The following KIT variants were observed in gnomAD, a reference collection of about 807,000 sequenced individuals.
The protein encoded by KIT is mast/stem cell growth factor receptor Kit.
Under a neutral mutation model 105.7 loss-of-function variants are expected in KIT, and 16 were observed. That is an observed-to-expected ratio of 0.15 (90% confidence interval 0.10 to 0.23). The LOEUF (loss-of-function observed/expected upper bound fraction) is 0.23, where lower values mean the gene tolerates loss of function less well. Ranked by LOEUF, KIT falls within the 10% of genes least tolerant of loss-of-function variation. The probability of loss-of-function intolerance (pLI) is 1.00; values close to 1 mark genes in which losing one functional copy is unlikely to be tolerated. For missense variants in KIT, 858 were observed against 1,213.8 expected (o/e 0.71, Z 4.36); for synonymous variants, 438 against 441.1 (o/e 0.99, Z 0.09).
intron 5 of KIT, among the ~76,000 whole-genome samples, chr4:54,706,099 C>T (rs1384003987): frequency 2.0e-5 from 3 of 151,526 alleles, no homozygotes; most frequent in Admixed American, 2.0e-4. Flanking sequence ...TTCTATTTTG[C>T]CATTTTATAT....
chr4:54,731,707 T>C (rs1328616909), intron 15 of KIT, among the ~76,000 whole-genome samples, 164 bp from the exon 16 acceptor site: 1 of 152,184 alleles, frequency 6.6e-6, no homozygotes, highest in Non-Finnish European at 1.5e-5. Flanking sequence ...AAATATTAAC[T>C]TTGTGATTCA....
chr4:54,719,617 G>C (rs1721733148), intron 7 of KIT, among the ~76,000 whole-genome samples: 1 of 151,968 alleles, frequency 6.6e-6, no homozygotes, highest in African/African-American at 2.4e-5. Flanking sequence ...CACCTCTTAG[G>C]CTTATCTAAA....
intron 13 of KIT, among the ~76,000 whole-genome samples, chr4:54,729,050 T>G (rs190469557): frequency 1.3e-5 from 2 of 152,314 alleles, no homozygotes; most frequent in African/African-American, 4.8e-5. Flanking sequence ...GTAGAATCTT[T>G]GAAAGCAGTA....
chr4:54,693,388 TCCTA>T (rs1169977437), intron 1 of KIT, among the ~76,000 whole-genome samples: 1 of 152,170 alleles, frequency 6.6e-6, no homozygotes, highest in Non-Finnish European at 1.5e-5. Context: ...CATGACCCTT[TCCTA>T]CACCGTCTTG....
At chr4:54,706,070 A>G (rs1215468125) in intron 5 of KIT, among the ~76,000 whole-genome samples, 1 of 151,984 alleles carries the variant, frequency 6.6e-6, no homozygotes, top group African/African-American at 2.4e-5. Context: ...TAAGGACTCC[A>G]TTATTTATTT....
chr4:54,659,209 A>T (rs1435947082), intron 1 of KIT, among the ~76,000 whole-genome samples: 1 of 152,128 alleles, frequency 6.6e-6, no homozygotes, highest in Non-Finnish European at 1.5e-5. Flanking sequence ...CTCAGTTCTT[A>T]AAGCTATAAC....
Position 54,728,846 on chromosome 4 carries a change from G to A in KIT, c.1991-489G>A, listed in dbSNP as rs533357773. ...ACCAAAAAATTTTTCAACTAGTAGC[G>A]CTCAGAACACAGGTCATTTTAGGTT... On this transcript the variant is annotated intron_variant, in intron 13 of 20. Transcript: ENST00000288135. 5.9e-5 allele frequency among the ~76,000 whole-genome samples: 9 copies of A among 152,250 alleles called. No homozygotes were observed. The East Asian group carries it at 9.6e-4, about 16-fold the overall frequency.
intron 1 of KIT, among the ~76,000 whole-genome samples, chr4:54,694,596 T>C (rs1719928672): frequency 6.6e-6 from 1 of 152,044 alleles, no homozygotes; most frequent in South Asian, 2.1e-4. Context: ...CCCAGGCTGG[T>C]CTCGAACTCC....
intron 4 of KIT, among the ~76,000 whole-genome samples, chr4:54,702,524 A>AT (rs1343603869): frequency 6.6e-6 from 1 of 151,910 alleles, no homozygotes; most frequent in Middle Eastern, 3.4e-3. Flanking sequence ...ATTTTTTCAT[A>AT]TTTTTTCTCT....
At chr4:54,687,016 A>G (rs1236952455) in intron 1 of KIT, among the ~76,000 whole-genome samples, 5 of 152,230 alleles carry the variant, frequency 3.3e-5, no homozygotes, top group African/African-American at 1.2e-4. Flanking sequence ...TGAGTGGGAC[A>G]TTTGGGAATA....
Position 54,737,341 on chromosome 4 carries a change from C to T in KIT, c.2802+61C>T, listed in dbSNP as rs1035536987. 5 of 1,131,096 alleles carry T rather than the reference C, an allele frequency of 4.4e-6. No homozygotes were observed. The African/African-American group carries it at 7.6e-5, about 17-fold the overall frequency. The allele number at this position is 1,131,096 out of a possible 1,614,324, so 70.1% of individuals were successfully genotyped here. On this transcript the variant is annotated intron_variant, in intron 20 of 20. Coordinates refer to ENST00000288135, the MANE Select transcript of KIT (RefSeq NM_000222.3). ...CTCCCAGTTCCAGGTGTGTCCTCCTCCTCAGGCTTTCAGGGTGAGGACTAA... is the reference window on the plus strand; with the variant it reads ...CTCCCAGTTCCAGGTGTGTCCTCCTTCTCAGGCTTTCAGGGTGAGGACTAA...
chr4:54,727,334 TA>T lies in KIT; in HGVS notation c.1647+11del. On this transcript the variant is annotated intron_variant, in intron 10 of 20. Transcript: ENST00000288135. ...CTACAAATATTTACAGGTAACCATT[TA>T]TTTGTTCTCTCTCCAGAGTGCTCTA... The T allele has an allele frequency of 1.2e-6, 2 of 1,613,658 alleles. No homozygotes were observed. Among genetic ancestry groups the T allele is most frequent in the Non-Finnish European group, 1.7e-6 (2 of 1,179,516 alleles).
chr4:54,729,838 T>C (rs533737562), intron 14 of KIT, among the ~76,000 whole-genome samples: 36 of 152,306 alleles, frequency 2.4e-4, no homozygotes, highest in Admixed American at 1.4e-3. Context: ...AGTGAGATAC[T>C]GTTTATAGGG....
At chr4:54,662,382 G>A (rs1560370015) in intron 1 of KIT, among the ~76,000 whole-genome samples, 1 of 151,978 alleles carries the variant, frequency 6.6e-6, no homozygotes. Flanking sequence ...TGTGACTTTC[G>A]GCAGATTACT....
intron 4 of KIT, among the ~76,000 whole-genome samples, chr4:54,702,414 G>A (rs1358957693): frequency 2.6e-5 from 4 of 151,788 alleles, no homozygotes; most frequent in Non-Finnish European, 4.4e-5. Context: ...CAAAATCCAG[G>A]ACATATTTTA....
At chr4:54,668,909 T>C (rs1003279022) in intron 1 of KIT, among the ~76,000 whole-genome samples, 2 of 152,244 alleles carry the variant, frequency 1.3e-5, no homozygotes, top group Admixed American at 1.3e-4. Flanking sequence ...AATGCAGACT[T>C]CCTTTTTAGT....
chr4:54,740,232 C>G lies in KIT; in HGVS notation c.*1675C>G, dbSNP rs949146013. 5 of 233,564 alleles carry G rather than the reference C, an allele frequency of 2.1e-5. No individual in the cohort carries two copies. Among genetic ancestry groups the G allele is most frequent in the Non-Finnish European group, 3.4e-5 (4 of 117,984 alleles). 14.5% of individuals were successfully genotyped at this position (233,564 alleles called of 1,614,324 possible). The stretch of plus-strand genomic sequence containing the variant: ...TGCACTGGAGTTCTATGCTCTCGCA[C>G]CTTTCCAAAGTTAACAGATTTTGGG... On this transcript the variant is annotated 3_prime_UTR_variant, in exon 21 of 21. Transcript: ENST00000288135.
chr4:54,712,597 G>A (rs1485326176), intron 7 of KIT, among the ~76,000 whole-genome samples: 1 of 152,124 alleles, frequency 6.6e-6, no homozygotes, highest in Non-Finnish European at 1.5e-5. Context: ...CTTTTCTCTG[G>A]TGGGGGCAAA....
intron 17 of KIT, among the ~76,000 whole-genome samples, chr4:54,735,370 A>C (rs1465152989): frequency 8.4e-6 from 1 of 118,418 alleles, no homozygotes; most frequent in Non-Finnish European, 1.8e-5. Flanking sequence ...TAACACCAAA[A>C]AAAAAAAAGA....
Sources: allele counts gnomAD v4.1 joint callset (sites outside exome capture counted in the v4.1 genomes callset), GRCh38; gene constraint gnomAD v4.1.1; transcripts MANE v1.5; gene names NCBI Gene and HGNC (gene_info 2026-07-23, HGNC 2026-07-21).